ZNF148: variants seen among roughly 807,000 people sequenced by gnomAD.
ZNF148 encodes the protein zinc finger protein 148, also known as Beta-Enolase Repressor Factor-1.
Under a neutral mutation model 67.7 loss-of-function variants are expected in ZNF148, and 7 were observed. That is an observed-to-expected ratio of 0.10 (90% CI 0.06 to 0.19). The LOEUF (loss-of-function observed/expected upper bound fraction) is 0.19, where lower values mean the gene tolerates loss of function less well. Among genes scored for constraint, ZNF148 ranks in the 10% least tolerant of loss-of-function variants. The pLI is 1.00. For missense variants in ZNF148, 583 were observed against 947.1 expected (o/e 0.62, Z 5.05); for synonymous variants, 333 against 330.7 (o/e 1.01, Z -0.08).
intron 2 of ZNF148, among the ~76,000 whole-genome samples, chr3:125,325,645 TG>T (rs1282320573): frequency 6.6e-6 from 1 of 151,978 alleles, no homozygotes; most frequent in Non-Finnish European, 1.5e-5. Flanking sequence ...TTTGTATTTT[TG>T]TAGAGACAGG....
At chr3:125,346,940 A>G (rs1256945183) in intron 1 of ZNF148, among the ~76,000 whole-genome samples, 2 of 152,188 alleles carry the variant, frequency 1.3e-5, no homozygotes, top group Non-Finnish European at 2.9e-5. Context: ...TCCAAATGAC[A>G]TGATCATATA....
At chr3:125,296,818 C>A (rs1481808345) in intron 4 of ZNF148, among the ~76,000 whole-genome samples, 1 of 151,800 alleles carries the variant, frequency 6.6e-6, no homozygotes, top group East Asian at 1.9e-4. Flanking sequence ...CTTTTAATGA[C>A]CAAGATGAAA....
intron 7 of ZNF148, among the ~76,000 whole-genome samples, chr3:125,274,740 T>C (rs1479176878): frequency 1.3e-5 from 2 of 152,134 alleles, no homozygotes; most frequent in Non-Finnish European, 2.9e-5. Flanking sequence ...TAATGAGACC[T>C]AAAGGGAGAA....
intron 7 of ZNF148, among the ~76,000 whole-genome samples, chr3:125,276,640 G>A (rs1417213634): frequency 6.6e-6 from 1 of 151,876 alleles, no homozygotes; most frequent in East Asian, 1.9e-4. Context: ...TTCCATGTTG[G>A]TCAGGCTGGT....
In ZNF148 at chr3:125,256,967, GT is replaced by G. The variant is rs10576530; in HGVS notation, c.667+20758del. ...TATGTTTTCAGTTCCAGAACTTCCA[GT>G]TTTTTTTTTTTTTTTTTTTTTTTAC... On this transcript the variant is annotated intron_variant, in intron 7 of 8. Coordinates refer to ENST00000360647, the MANE Select transcript of ZNF148 (RefSeq NM_021964.3). Among the ~76,000 whole-genome samples, 627 of 108,106 alleles carry G rather than the reference GT, an allele frequency of 5.8e-3. 5 individuals carry two copies. The highest frequency in any genetic ancestry group is 0.023 in the Admixed American group (255 of 10,998). 70.9% of individuals were successfully genotyped at this position (108,106 alleles called of 152,430 possible).
chr3:125,237,371 CAGG>C (rs1208889416), intron 7 of ZNF148, among the ~76,000 whole-genome samples: 1 of 152,050 alleles, frequency 6.6e-6, no homozygotes, highest in Admixed American at 6.5e-5. Flanking sequence ...TGCTTGAGCT[CAGG>C]AGTTCAAGAC....
chr3:125,361,905 C>T (rs1942555728), intron 1 of ZNF148, among the ~76,000 whole-genome samples: 1 of 152,040 alleles, frequency 6.6e-6, no homozygotes, highest in South Asian at 2.1e-4. Flanking sequence ...TTATCCACAA[C>T]TACTTTATGT....
chr3:125,262,777 C>A (rs1937399608), intron 7 of ZNF148, among the ~76,000 whole-genome samples: 1 of 152,190 alleles, frequency 6.6e-6, no homozygotes, highest in African/African-American at 2.4e-5. Context: ...GCTTCCATAG[C>A]TGACAGAAAT....
intron 7 of ZNF148, among the ~76,000 whole-genome samples, chr3:125,265,757 T>A (rs191830841): frequency 2.0e-5 from 3 of 152,312 alleles, no homozygotes; most frequent in East Asian, 3.9e-4. Context: ...GTTCCTCCAT[T>A]ATGTAAGTAC....
chr3:125,292,006 T>C (rs1243122284), intron 4 of ZNF148, among the ~76,000 whole-genome samples: 1 of 152,150 alleles, frequency 6.6e-6, no homozygotes, highest in Non-Finnish European at 1.5e-5. Flanking sequence ...ATGTCAGCAA[T>C]ATTTGGGGGT....
chr3:125,348,413 C>T (rs1390816398), intron 1 of ZNF148, among the ~76,000 whole-genome samples: 5 of 140,888 alleles, frequency 3.5e-5, no homozygotes, highest in Non-Finnish European at 6.0e-5. Flanking sequence ...CCCGAGACGC[C>T]AAGGTTGCAG....
intron 3 of ZNF148, among the ~76,000 whole-genome samples, chr3:125,317,293 C>T (rs1940543929): frequency 6.6e-6 from 1 of 151,948 alleles, no homozygotes; most frequent in African/African-American, 2.4e-5. Context: ...TTAAATAAGA[C>T]AAAGTTTTAA....
intron 3 of ZNF148, among the ~76,000 whole-genome samples, chr3:125,322,165 G>C (rs941316134): frequency 2.0e-5 from 3 of 151,584 alleles, no homozygotes; most frequent in African/African-American, 7.3e-5. Context: ...GAGTAGCCGG[G>C]ACTACAGGGG....
At chr3:125,358,220 G>A (rs1942427200) in intron 1 of ZNF148, among the ~76,000 whole-genome samples, 1 of 152,156 alleles carries the variant, frequency 6.6e-6, no homozygotes, top group African/African-American at 2.4e-5. Flanking sequence ...GGCTGAGACA[G>A]GAGAATCGCT....
intron 1 of ZNF148, among the ~76,000 whole-genome samples, chr3:125,333,759 T>G (rs1357054380): frequency 6.6e-6 from 1 of 152,194 alleles, no homozygotes; most frequent in Non-Finnish European, 1.5e-5. Context: ...ATAAACAGAT[T>G]AAGACTAAAA....
At chr3:125,307,912 C>G (rs545512500) in intron 4 of ZNF148, among the ~76,000 whole-genome samples, 1 of 151,688 alleles carries the variant, frequency 6.6e-6, no homozygotes, top group African/African-American at 2.4e-5. Context: ...GCCTCGGCCC[C>G]CTAAAGTGCT....
intron 1 of ZNF148, among the ~76,000 whole-genome samples, chr3:125,333,282 T>C (rs1191922487): frequency 1.3e-5 from 2 of 152,024 alleles, no homozygotes; most frequent in East Asian, 1.9e-4. Flanking sequence ...AAAAATAAAA[T>C]AGTGAAGCAA....
chr3:125,290,926 ATATATCCCCCCTT>A (rs1407606735), intron 4 of ZNF148, among the ~76,000 whole-genome samples: 1 of 152,194 alleles, frequency 6.6e-6, no homozygotes, highest in African/African-American at 2.4e-5. Context: ...AGTTTAGCAC[ATATATCCCCCCTT>A]TTAACTTTTT....
intron 1 of ZNF148, among the ~76,000 whole-genome samples, chr3:125,335,896 C>T (rs1411279794): frequency 6.6e-6 from 1 of 152,046 alleles, no homozygotes; most frequent in Non-Finnish European, 1.5e-5. Context: ...AGTAAGATTG[C>T]TAAAGATGAA....
Sources: allele counts gnomAD v4.1 joint callset (sites outside exome capture counted in the v4.1 genomes callset), GRCh38; gene constraint gnomAD v4.1.1; transcripts MANE v1.5; gene names NCBI Gene and HGNC (gene_info 2026-07-23, HGNC 2026-07-21).